Variants in ADAMTSL1 observed in about 807,000 individuals in gnomAD.
The protein encoded by ADAMTSL1 is ADAMTS like 1.
A neutral mutation model predicts 201.8 loss-of-function variants in ADAMTSL1; 126 were observed. That is an observed-to-expected ratio of 0.62 (90% CI 0.54 to 0.72). ADAMTSL1 has a LOEUF of 0.72. Among genes scored for constraint, ADAMTSL1 ranks in the 30% least tolerant of loss-of-function variants. ADAMTSL1 has a pLI of 0.00. For synonymous variants in ADAMTSL1, 1,121 were observed against 903.4 expected, an observed-to-expected ratio of 1.24 and a Z score of -4.32; for missense variants, 2,679 against 2,277.8, an observed-to-expected ratio of 1.18 and a Z score of -3.59.
intron 19 of ADAMTSL1, chr9:18,793,103 A>G (rs1386476364): frequency 6.6e-6 from 1 of 152,196 alleles, no homozygotes; most frequent in African/African-American, 2.4e-5. Flanking sequence ...AATAGTGGTG[A>G]TGATCTGGAA....
At chr9:17,911,875 C>G (rs1299854888) in intron 1 of ADAMTSL1, among the ~76,000 whole-genome samples, 1 of 42,050 alleles carries the variant, frequency 2.4e-5, no homozygotes, top group African/African-American at 4.3e-5. Context: ...GTGATGTTCC[C>G]CTTCCTGTGT....
At chr9:18,181,873 A>G (rs1375497338) in intron 2 of ADAMTSL1, among the ~76,000 whole-genome samples, 1 of 152,170 alleles carries the variant, frequency 6.6e-6, no homozygotes, top group Non-Finnish European at 1.5e-5. Flanking sequence ...AATAGCAAAG[A>G]CTTGGAGCCA....
intron 23 of ADAMTSL1, among the ~76,000 whole-genome samples, chr9:18,844,065 C>G (rs6475261): frequency 0.038 from 5,753 of 152,298 alleles, 389 homozygotes; most frequent in African/African-American, 0.13. Context: ...CAGCTTTGTT[C>G]CATTGCTGGT....
At chr9:17,970,696 C>T (rs1818172993) in intron 1 of ADAMTSL1, among the ~76,000 whole-genome samples, 1 of 151,976 alleles carries the variant, frequency 6.6e-6, no homozygotes. Flanking sequence ...GGATGTTGTC[C>T]CTGGTTCTGC....
At chr9:18,870,731 C>G (rs1488936875) in intron 23 of ADAMTSL1, among the ~76,000 whole-genome samples, 1 of 151,700 alleles carries the variant, frequency 6.6e-6, no homozygotes, top group African/African-American at 2.4e-5. Flanking sequence ...GGCTAGATAC[C>G]TGTCCTATTT....
At chr9:18,416,991 A>G (rs114899820) in intron 2 of ADAMTSL1, among the ~76,000 whole-genome samples, 2,516 of 151,724 alleles carry the variant, frequency 0.017, 62 homozygotes, top group African/African-American at 0.051. Flanking sequence ...TAGATGGCAC[A>G]ATTACCTCAA....
chr9:18,852,795 T>G (rs1236840427), intron 23 of ADAMTSL1, among the ~76,000 whole-genome samples: 1 of 152,182 alleles, frequency 6.6e-6, no homozygotes, highest in Admixed American at 6.5e-5. Flanking sequence ...CAGGACTGAT[T>G]TGAGAATCAA....
chr9:18,769,687 C>T (rs560350839), intron 16 of ADAMTSL1, among the ~76,000 whole-genome samples: 21 of 152,290 alleles, frequency 1.4e-4, no homozygotes, highest in African/African-American at 4.6e-4. Context: ...GAAGAGATGC[C>T]ACACCATCTT....
intron 7 of ADAMTSL1, among the ~76,000 whole-genome samples, chr9:18,645,268 A>T (rs566517277): frequency 2.0e-5 from 3 of 152,158 alleles, no homozygotes; most frequent in Admixed American, 2.0e-4. Context: ...GTTTGAGTTC[A>T]TTGTAGATTC....
intron 1 of ADAMTSL1, among the ~76,000 whole-genome samples, chr9:18,000,378 A>G (rs1234846015): frequency 6.6e-6 from 1 of 151,856 alleles, no homozygotes; most frequent in Non-Finnish European, 1.5e-5. Context: ...TTTCTTCTCT[A>G]ATAAAAACCA....
At chr9:18,685,006 A>G (rs534711477) in intron 13 of ADAMTSL1, 1 of 1,314,186 alleles carries the variant, frequency 7.6e-7, no homozygotes, top group East Asian at 3.1e-5. Flanking sequence ...TGTTTTGCCT[A>G]AAGTAAGAAA....
chr9:18,611,852 G>A (rs1363324685), intron 4 of ADAMTSL1, among the ~76,000 whole-genome samples: 6 of 152,170 alleles, frequency 3.9e-5, no homozygotes, highest in Non-Finnish European at 5.9e-5. Flanking sequence ...AGAGGCTGCC[G>A]AAGTTCCTAC....
At chr9:18,778,075 G>A (rs1248836548) in intron 19 of ADAMTSL1, among the ~76,000 whole-genome samples, 169 bp downstream of exon 19, 1 of 152,344 alleles carries the variant, frequency 6.6e-6, no homozygotes, top group East Asian at 1.9e-4. Context: ...TAGACTACTG[G>A]AGCAAAGACA....
intron 1 of ADAMTSL1, among the ~76,000 whole-genome samples, chr9:18,055,174 G>A (rs1178902510): frequency 2.0e-5 from 3 of 152,184 alleles, no homozygotes; most frequent in African/African-American, 4.8e-5. Context: ...AGATACTAAA[G>A]TCTGTAGTAA....
At chr9:18,045,320 T>G (rs1280020650) in intron 1 of ADAMTSL1, among the ~76,000 whole-genome samples, 2 of 140,716 alleles carry the variant, frequency 1.4e-5, no homozygotes, top group Non-Finnish European at 3.3e-5. Flanking sequence ...TCAACTACTA[T>G]TCAAGTAATT....
intron 12 of ADAMTSL1, among the ~76,000 whole-genome samples, chr9:18,683,124 A>G (rs1830609779): frequency 6.6e-6 from 1 of 152,234 alleles, no homozygotes; most frequent in Admixed American, 6.5e-5. Flanking sequence ...AAACAGCAAT[A>G]AAGTATTACA....
At chr9:18,798,718 C>T (rs541807585) in intron 20 of ADAMTSL1, among the ~76,000 whole-genome samples, 2 of 152,286 alleles carry the variant, frequency 1.3e-5, no homozygotes, top group African/African-American at 2.4e-5. Context: ...AGAGAGACGC[C>T]TGATGGGCTC....
chr9:18,138,720 G>A (rs144077538), intron 1 of ADAMTSL1, among the ~76,000 whole-genome samples: 71 of 152,206 alleles, frequency 4.7e-4, no homozygotes, highest in Middle Eastern at 3.4e-3. Context: ...AAAAAGGAGG[G>A]TGAGGTTATG....
chr9:17,992,589 C>T (rs1819204801), intron 1 of ADAMTSL1, among the ~76,000 whole-genome samples: 1 of 151,986 alleles, frequency 6.6e-6, no homozygotes, highest in Non-Finnish European at 1.5e-5. Flanking sequence ...AGTTCAAGAC[C>T]ATCCCGGGAA....
Sources: allele counts gnomAD v4.1 joint callset (sites outside exome capture counted in the v4.1 genomes callset), GRCh38; gene constraint gnomAD v4.1.1; transcripts MANE v1.5; gene names NCBI Gene and HGNC (gene_info 2026-07-23, HGNC 2026-07-21).